The following PCNX2 variants were observed in gnomAD, a reference collection of about 807,000 sequenced individuals.
PCNX2 encodes the protein pecanex 2.
A neutral mutation model predicts 223.8 loss-of-function variants in PCNX2; 168 were observed. The ratio of observed to expected loss-of-function variants is 0.75; its 90% CI spans 0.66 to 0.85. PCNX2 has a LOEUF of 0.85. Ranked by LOEUF, PCNX2 falls within the 40% of genes least tolerant of loss-of-function variation. PCNX2 has a pLI of 0.00. For missense variants in PCNX2, 2,507 were observed against 2,675.5 expected (o/e 0.94, Z 1.39); for synonymous variants, 1,006 against 1,052.6 (o/e 0.96, Z 0.86).
At chr1:233,133,900 C>T (rs551205707) in intron 21 of PCNX2, among the ~76,000 whole-genome samples, 2 of 151,830 alleles carry the variant, frequency 1.3e-5, no homozygotes, top group Admixed American at 6.6e-5. Context: ...AAGAAATTCA[C>T]GTGCAATGGT....
rs146090137 is a variant in PCNX2 at position 232,995,168 on chromosome 1, C to CG, written c.5791+3082dup. ...TGCAGCAAGGATGCTGTGAATACAC[C>CG]GGGGGGCAGAGAAAGAGCAGGGTGG... On this transcript the variant is annotated intron_variant, in intron 32 of 33. Coordinates refer to ENST00000258229, the MANE Select transcript of PCNX2 (RefSeq NM_014801.4). 8.2e-3 allele frequency among the ~76,000 whole-genome samples: 1,242 copies of CG among 152,122 alleles called. 10 individuals carry two copies. Among genetic ancestry groups the CG allele is most frequent in the Non-Finnish European group, 0.013 (855 of 67,994 alleles).
chr1:233,271,042 T>C (rs138358145), intron 1 of PCNX2, among the ~76,000 whole-genome samples: 1,552 of 152,346 alleles, frequency 0.01, 14 homozygotes, highest in South Asian at 0.028. Flanking sequence ...TGAACTCATG[T>C]TGTCGTTTTC....
intron 21 of PCNX2, chr1:233,112,703 A>T: frequency 1.5e-6 from 1 of 684,640 alleles, no homozygotes; most frequent in Non-Finnish European, 2.0e-6. Flanking sequence ...GTGTCTGTGT[A>T]GATCTTTGAA....
the PCNX2 span, among the ~76,000 whole-genome samples, chr1:233,314,554 T>G: frequency 9.9e-5 from 15 of 152,274 alleles, no homozygotes; most frequent in East Asian, 2.3e-3. Flanking sequence ...AAGAGAATAT[T>G]AACTTTGCTT....
At chr1:233,306,567 A>G in the PCNX2 span, among the ~76,000 whole-genome samples, 3 of 152,250 alleles carry the variant, frequency 2.0e-5, no homozygotes, top group African/African-American at 7.2e-5. Context: ...AAGGCTCGAA[A>G]GAGGACAAAT....
chr1:233,103,441 C>T lies in PCNX2; in HGVS notation c.3838-7578G>A, dbSNP rs569152772. Among the ~76,000 whole-genome samples the T allele has an allele frequency of 2.3e-4, 35 of 152,128 alleles. No individual in the cohort carries two copies. The South Asian group carries it at 7.3e-3, about 32-fold the overall frequency. ...TCCTCCCAATGTGCCCTTAATACCC[C>T]CAACCCAGCCTCTGGTAACCATCCT... is the stretch of plus-strand genomic sequence containing the variant. On this transcript the variant is annotated intron_variant, in intron 21 of 33. Transcript: ENST00000258229.
At chr1:233,156,280 C>T (rs759850592) in intron 19 of PCNX2, among the ~76,000 whole-genome samples, 1 of 152,124 alleles carries the variant, frequency 6.6e-6, no homozygotes, top group Non-Finnish European at 1.5e-5. Context: ...CAAAATTATT[C>T]GTTATCTCCA....
chr1:233,318,563 C>CTTTTTTTTTTT, the PCNX2 span, among the ~76,000 whole-genome samples: 27 of 92,506 alleles, frequency 2.9e-4, no homozygotes, highest in African/African-American at 3.2e-4. Flanking sequence ...TTTTCTTTTT[C>CTTTTTTTTTTT]TTTTTTTTTT....
intron 17 of PCNX2, among the ~76,000 whole-genome samples, chr1:233,166,318 C>T (rs1678792239): frequency 6.6e-6 from 1 of 152,068 alleles, no homozygotes; most frequent in South Asian, 2.1e-4. Context: ...AAGAGGAAAT[C>T]TTAATGATCC....
intron 26 of PCNX2, among the ~76,000 whole-genome samples, chr1:233,020,722 C>T (rs1457857941): frequency 6.6e-6 from 1 of 152,190 alleles, no homozygotes; most frequent in Admixed American, 6.5e-5. Context: ...GCAGCAGATT[C>T]CTTGACTGCT....
chr1:233,229,723 G>T (rs1657948569), intron 9 of PCNX2, among the ~76,000 whole-genome samples: 1 of 151,884 alleles, frequency 6.6e-6, no homozygotes, highest in South Asian at 2.1e-4. Context: ...TGAAGACTAT[G>T]CCTGCATCTT....
intron 23 of PCNX2, among the ~76,000 whole-genome samples, chr1:233,067,084 T>C (rs1411798812): frequency 6.6e-6 from 1 of 151,796 alleles, no homozygotes; most frequent in Non-Finnish European, 1.5e-5. Flanking sequence ...CAACCCCTTT[T>C]CTCCTGCCAG....
At chr1:233,098,130 G>T (rs1674284990) in intron 21 of PCNX2, among the ~76,000 whole-genome samples, 1 of 152,108 alleles carries the variant, frequency 6.6e-6, no homozygotes, top group African/African-American at 2.4e-5. Flanking sequence ...ATGATGTATT[G>T]CCCCCAAATG....
At chr1:233,083,500 T>C (rs1449614238) in intron 23 of PCNX2, among the ~76,000 whole-genome samples, 1 of 152,186 alleles carries the variant, frequency 6.6e-6, no homozygotes, top group Non-Finnish European at 1.5e-5. Context: ...GAGAAGAGGC[T>C]GGATGGTCCA....
At chr1:233,252,333 T>C (rs780825416) in intron 7 of PCNX2, 21 bp downstream of exon 7, 46 of 1,588,814 alleles carry the variant, frequency 2.9e-5, no homozygotes, top group East Asian at 6.8e-5. Context: ...TGTTCATTAG[T>C]AAAGAGCTCC....
At chr1:233,287,927 T>G (rs368426999) in intron 1 of PCNX2, among the ~76,000 whole-genome samples, 24 of 152,242 alleles carry the variant, frequency 1.6e-4, no homozygotes, top group African/African-American at 5.5e-4. Flanking sequence ...AAAAAAAAAG[T>G]GTCTGCCTCA....
intron 13 of PCNX2, among the ~76,000 whole-genome samples, chr1:233,208,027 C>T (rs1681582984): frequency 6.6e-6 from 1 of 151,926 alleles, no homozygotes; most frequent in South Asian, 2.1e-4. Context: ...GTGATCTTGG[C>T]TCACCGCAAC....
intron 19 of PCNX2, among the ~76,000 whole-genome samples, chr1:233,157,148 T>C (rs757214896): frequency 6.6e-6 from 1 of 152,164 alleles, no homozygotes; most frequent in Non-Finnish European, 1.5e-5. Context: ...TTACAGGACC[T>C]ACTGTGACTG....
intron 33 of PCNX2, 159 bp downstream of exon 33, chr1:232,985,933 G>T: frequency 1.3e-6 from 1 of 786,760 alleles, no homozygotes; most frequent in Non-Finnish European, 2.1e-6. Context: ...AAGCCACTTC[G>T]TGTCTAATCA....
Sources: gnomAD v4.1 joint callset for allele counts (sites outside exome capture counted in the v4.1 genomes callset) on GRCh38, gnomAD v4.1.1 for gene constraint, MANE v1.5 for transcripts, NCBI Gene and HGNC (gene_info 2026-07-23, HGNC 2026-07-21) for gene names.